The following TENM1 variants were observed in gnomAD, a reference collection of about 807,000 sequenced individuals.
TENM1 encodes teneurin transmembrane protein 1, also known as teneurin-1.
Under a neutral mutation model 174.8 loss-of-function variants are expected in TENM1, and 35 were observed. That is an observed-to-expected ratio of 0.20 (90% CI 0.15 to 0.27). The LOEUF (loss-of-function observed/expected upper bound fraction) is 0.27, where lower values mean the gene tolerates loss of function less well. Among genes scored for constraint, TENM1 ranks in the 10% least tolerant of loss-of-function variants. The pLI is 1.00. For synonymous variants in TENM1, 781 were observed against 798.7 expected (o/e 0.98, Z 0.37); for missense variants, 1,633 against 2,130.1 (o/e 0.77, Z 4.59).
At position 124,918,069 on chromosome X, in the gene TENM1, C is replaced by A. The variant is rs1421581411; in HGVS notation, c.218-21828G>T. Among the ~76,000 whole-genome samples, 23 of 112,139 alleles carry A rather than the reference C, an allele frequency of 2.1e-4. No individual in the cohort carries two copies. In the Admixed American group the frequency reaches 2.2e-3, roughly 11 times the overall value. ...AACCTTCTCTACATTCTTCCTTTTT[C>A]TACCCAGACTCCCTGGCCTGAGCTT... On this transcript the variant is annotated intron_variant, in intron 1 of 31. Coordinates refer to ENST00000422452, the Ensembl canonical transcript of TENM1.
chrX:125,135,316 C>A, the TENM1 span, among the ~76,000 whole-genome samples: 1 of 111,886 alleles, frequency 8.9e-6, no homozygotes, highest in African/African-American at 3.3e-5. Context: ...ATTTCTAACA[C>A]AGGCCTATAA....
intron 18 of TENM1, among the ~76,000 whole-genome samples, chrX:124,519,084 T>C (rs1416401509): frequency 9.0e-6 from 1 of 111,637 alleles, no homozygotes; most frequent in African/African-American, 3.3e-5. Context: ...CAGTCTTAAG[T>C]ATGGCTGAGT....
rs67614153 is a variant in TENM1, at chrX:124,481,713, T to TATATATATATATA, written c.3949+18_3949+19insTATATATATATAT. On this transcript the variant is annotated intron_variant, in intron 22 of 31. Coordinates refer to ENST00000422452, the Ensembl canonical transcript of TENM1. ...CCCAAGGGTATATATATATATATAT[T>TATATATATATATA]TATTTATTTATTTTTTACCTCGAGG... 317 of 204,812 alleles carry TATATATATATATA rather than the reference T, an allele frequency of 1.5e-3. No homozygotes were observed. The highest frequency in any genetic ancestry group is 2.3e-3 in the African/African-American group (33 of 14,158). The allele number at this position is 204,812 out of a possible 1,213,427, so 16.9% of individuals were successfully genotyped here.
chrX:124,488,864 T>C (rs1439733709), intron 20 of TENM1, among the ~76,000 whole-genome samples: 1 of 112,421 alleles, frequency 8.9e-6, no homozygotes, highest in Non-Finnish European at 1.9e-5. Flanking sequence ...AATTCTTACA[T>C]GATGGCAAGG....
At chrX:124,541,552 C>G (rs1166397332) in intron 15 of TENM1, among the ~76,000 whole-genome samples, 2 of 112,230 alleles carry the variant, frequency 1.8e-5, no homozygotes, top group Non-Finnish European at 3.8e-5. Flanking sequence ...ATCATGCTTC[C>G]TGTAAAGCCT....
At chrX:124,460,739 GAA>G (rs113811946) in intron 22 of TENM1, among the ~76,000 whole-genome samples, 3 of 89,281 alleles carry the variant, frequency 3.4e-5, no homozygotes, top group Non-Finnish European at 4.5e-5. Flanking sequence ...AGTAGAAGTT[GAA>G]AAAAAAAAAA....
At chrX:124,398,036 G>A (rs1603250319) in intron 27 of TENM1, among the ~76,000 whole-genome samples, 1 of 109,325 alleles carries the variant, frequency 9.1e-6, no homozygotes, top group East Asian at 3.0e-4. Flanking sequence ...AGACCATCCT[G>A]GCTAATGCGG....
At chrX:125,088,159 C>T in the TENM1 span, among the ~76,000 whole-genome samples, 1 of 110,932 alleles carries the variant, frequency 9.0e-6, no homozygotes, top group Non-Finnish European at 1.9e-5. Flanking sequence ...TATGATCTTC[C>T]CCTCAAAAAT....
At chrX:124,696,857 C>T (rs780969869) in intron 5 of TENM1, among the ~76,000 whole-genome samples, 5 of 111,205 alleles carry the variant, frequency 4.5e-5, no homozygotes, top group Non-Finnish European at 9.5e-5. Flanking sequence ...AAACCTATGA[C>T]TACCAAAGAG....
the TENM1 span, among the ~76,000 whole-genome samples, chrX:124,983,289 A>G: frequency 9.0e-6 from 1 of 111,474 alleles, no homozygotes; most frequent in Non-Finnish European, 1.9e-5. Flanking sequence ...CACAATAAGC[A>G]CTCACTTCCT....
intron 25 of TENM1, among the ~76,000 whole-genome samples, chrX:124,415,020 A>G (rs777654569): frequency 8.9e-6 from 1 of 112,095 alleles, no homozygotes; most frequent in East Asian, 2.8e-4. Flanking sequence ...TCAGTGGTAT[A>G]GCAGCCTTCT....
At chrX:125,024,849 G>A in the TENM1 span, among the ~76,000 whole-genome samples, 13 of 111,164 alleles carry the variant, frequency 1.2e-4, no homozygotes, top group Non-Finnish European at 2.3e-4. Flanking sequence ...AATGTAAAGC[G>A]GATCTTTATA....
intron 4 of TENM1, among the ~76,000 whole-genome samples, chrX:124,716,887 C>A (rs1472875634): frequency 9.0e-6 from 1 of 111,365 alleles, no homozygotes; most frequent in Non-Finnish European, 1.9e-5. Flanking sequence ...AGGGTAGAAT[C>A]ATGGGAGAGA....
At chrX:124,908,782 C>A (rs2057789782) in intron 1 of TENM1, among the ~76,000 whole-genome samples, 1 of 111,059 alleles carries the variant, frequency 9.0e-6, no homozygotes, top group Admixed American at 9.6e-5. Context: ...TTAGCATTTT[C>A]TATGTACCAA....
At chrX:124,799,740 G>A (rs919536272) in intron 3 of TENM1, among the ~76,000 whole-genome samples, 1 of 111,571 alleles carries the variant, frequency 9.0e-6, no homozygotes, top group African/African-American at 3.3e-5. Context: ...CTGTGGGTTT[G>A]TCATAAGTAG....
At chrX:125,146,722 G>A in the TENM1 span, among the ~76,000 whole-genome samples, 1 of 111,058 alleles carries the variant, frequency 9.0e-6, no homozygotes, top group African/African-American at 3.3e-5. Flanking sequence ...AAGGGTTTAG[G>A]ATTAACATGC....
At chrX:124,401,353 G>A (rs1399809008) in intron 27 of TENM1, among the ~76,000 whole-genome samples, 1 of 111,708 alleles carries the variant, frequency 9.0e-6, no homozygotes, top group Non-Finnish European at 1.9e-5. Context: ...TTTTGTGTGG[G>A]TTTTCAAAAG....
At position 124,440,483 on chromosome X, in the gene TENM1, T is replaced by A. The variant is rs1281529678; in HGVS notation, c.4104+12854A>T. ...AATTAGCCTTCATAAGGAGGAATAATTAACCAGCTCCAAAATTCTAGTGTC... is the reference window on the plus strand; with the variant it reads ...AATTAGCCTTCATAAGGAGGAATAAATAACCAGCTCCAAAATTCTAGTGTC... On this transcript the variant is annotated intron_variant, in intron 23 of 31. Coordinates refer to ENST00000422452, the Ensembl canonical transcript of TENM1. Among the ~76,000 whole-genome samples, 3 of 111,793 alleles carry A rather than the reference T, an allele frequency of 2.7e-5. No homozygotes were observed. In the East Asian group the frequency reaches 8.4e-4, roughly 31 times the overall value.
At chrX:124,462,777 G>C (rs1255872848) in intron 22 of TENM1, among the ~76,000 whole-genome samples, 2 of 111,548 alleles carry the variant, frequency 1.8e-5, no homozygotes, top group Non-Finnish European at 3.8e-5. Context: ...CTGATTTACA[G>C]GACTAAATTT....
Sources: gnomAD v4.1 joint callset for allele counts (sites outside exome capture counted in the v4.1 genomes callset) on GRCh38, gnomAD v4.1.1 for gene constraint, MANE v1.5 for transcripts, NCBI Gene and HGNC (gene_info 2026-07-23, HGNC 2026-07-21) for gene names.